Variants in MROH2B observed in about 807,000 individuals in gnomAD.
MROH2B encodes maestro heat like repeat family member 2B, also known as maestro heat-like repeat-containing protein family member 2B.
In MROH2B, 177 loss-of-function variants were observed where a neutral mutation model predicts 208.6. The observed-to-expected ratio is 0.85, with a 90% CI of 0.75 to 0.96. The LOEUF is 0.96. Among genes scored for constraint, MROH2B ranks in the 40% least tolerant of loss-of-function variants. The probability of loss-of-function intolerance (pLI) is 0.00; values close to 1 mark genes in which losing one functional copy is unlikely to be tolerated. For missense variants in MROH2B, 2,002 were observed against 1,878.7 expected, an observed-to-expected ratio of 1.07 and a Z score of -1.21; for synonymous variants, 728 against 659.0, an observed-to-expected ratio of 1.10 and a Z score of -1.60.
At position 41,018,431 on chromosome 5, in the gene MROH2B, C is replaced by A; in HGVS notation, c.2674-1G>T. ...GTGAAACAAGCCACATTTGGAGAAG[C>A]TGTTGGTCAAAGAATAAATGTTCTT... On this transcript the variant is annotated splice_acceptor_variant, in intron 26 of 41. Transcript: ENST00000399564. LOFTEE classifies it high-confidence loss of function. 2.5e-6 allele frequency: 4 copies of A among 1,611,640 alleles called. No homozygotes were observed. Among genetic ancestry groups the A allele is most frequent in the Non-Finnish European group, 3.4e-6 (4 of 1,178,992 alleles).
chr5:41,032,729 A>C lies in MROH2B; in HGVS notation c.2441+13T>G, dbSNP rs1469942370. 3.1e-6 allele frequency: 5 copies of C among 1,607,454 alleles called. No individual in the cohort carries two copies. The highest frequency in any genetic ancestry group is 4.3e-6 in the Non-Finnish European group (5 of 1,175,628). On this transcript the variant is annotated intron_variant, in intron 24 of 41. Coordinates refer to ENST00000399564, the MANE Select transcript of MROH2B (RefSeq NM_173489.5). ...AAATACTTTTTCAATGAAAACAACT[A>C]AAAATTATCTACCTGAGATACCTAA...
intron 26 of MROH2B, 63 bp from the exon 27 acceptor site, chr5:41,018,493 C>G (rs1742031001): frequency 2.6e-6 from 4 of 1,545,474 alleles, no homozygotes; most frequent in Non-Finnish European, 3.5e-6. Context: ...GTTTCATATT[C>G]TCTTTTTCTG....
chr5:41,047,117 C>T (rs1561299021), intron 17 of MROH2B, among the ~76,000 whole-genome samples: 1 of 152,108 alleles, frequency 6.6e-6, no homozygotes, highest in Non-Finnish European at 1.5e-5. Flanking sequence ...GGGCTTCGTC[C>T]CTCCTGCAAG....
At chr5:41,056,369 C>CG (rs1431366318) in intron 9 of MROH2B, among the ~76,000 whole-genome samples, 1 of 151,318 alleles carries the variant, frequency 6.6e-6, no homozygotes, top group Non-Finnish European at 1.5e-5. Context: ...AGGCAGGGGT[C>CG]GGGGAGAAGA....
chr5:41,049,563 G>C, intron 13 of MROH2B, 127 bp from the exon 14 acceptor site: 1 of 1,099,796 alleles, frequency 9.1e-7, no homozygotes, highest in Non-Finnish European at 1.3e-6. Flanking sequence ...TTTGGGCCAA[G>C]TCAAGATGAG....
At chr5:41,005,421 C>CT (rs1397163544) in intron 35 of MROH2B, 110 bp downstream of exon 35, 5 of 216,650 alleles carry the variant, frequency 2.3e-5, no homozygotes, top group Non-Finnish European at 4.6e-5. Flanking sequence ...AAACCCCCCC[C>CT]CCCCTTGAAG....
chr5:41,008,422 C>G (rs1304009111), intron 33 of MROH2B, among the ~76,000 whole-genome samples, 184 bp downstream of exon 33: 1 of 152,148 alleles, frequency 6.6e-6, no homozygotes, highest in Non-Finnish European at 1.5e-5. Flanking sequence ...TGTAGCTACA[C>G]TGGATACTGG....
intron 13 of MROH2B, among the ~76,000 whole-genome samples, chr5:41,050,040 T>C (rs1238916174): frequency 6.6e-6 from 1 of 152,192 alleles, no homozygotes; most frequent in African/African-American, 2.4e-5. Flanking sequence ...ATCACCAGAC[T>C]CAGTCCTTTT....
chr5:40,998,051 C>A lies in MROH2B; in HGVS notation c.*1G>T. The A allele has an allele frequency of 6.2e-7, 1 of 1,604,346 alleles. No individual in the cohort carries two copies. The highest frequency in any genetic ancestry group is 1.1e-5 in the South Asian group (1 of 90,408). On this transcript the variant is annotated 3_prime_UTR_variant, in exon 42 of 42. Transcript: ENST00000399564. ...AAGCCAGCAGTTTATTTCTTGATGGCTTACAGAGGAATGCTTGTCTCTTTA... is the reference window on the plus strand; with the variant it reads ...AAGCCAGCAGTTTATTTCTTGATGGATTACAGAGGAATGCTTGTCTCTTTA...
rs1251898321 is a variant in MROH2B, at chr5:41,038,902, A to G, written c.2062-14T>C. On this transcript the variant is annotated splice_polypyrimidine_tract_variant and intron_variant, in intron 20 of 41. Transcript: ENST00000399564. ...AGAAAAAAGGCTCTGAAGACCAGGA[A>G]AGGGAGACATGAAAAATGTGACTGA... 1 of 1,586,550 alleles carries G rather than the reference A, an allele frequency of 6.3e-7. No individual in the cohort carries two copies. The highest frequency in any genetic ancestry group is 1.1e-5 in the South Asian group (1 of 88,214).
At chr5:41,036,636 A>G (rs1742768722) in intron 21 of MROH2B, among the ~76,000 whole-genome samples, 1 of 152,166 alleles carries the variant, frequency 6.6e-6, no homozygotes. Flanking sequence ...AGTGTGAGTT[A>G]ATATTGAGCA....
intron 15 of MROH2B, 72 bp downstream of exon 15, chr5:41,049,029 G>T: frequency 1.4e-6 from 2 of 1,402,754 alleles, no homozygotes; most frequent in Non-Finnish European, 9.8e-7. Context: ...ATTTATATTA[G>T]CACTTATTTG....
rs1389820045 is a variant in MROH2B at position 41,009,787 on chromosome 5, C to T, written c.3293+135G>A. On this transcript the variant is annotated intron_variant, in intron 31 of 41. Coordinates refer to ENST00000399564, the MANE Select transcript of MROH2B (RefSeq NM_173489.5). Reference sequence around the variant, plus strand: ...AAAACATTACTTGTGATTCAAATACCAATTGTTAAATTGTTATTCAGATGA... The same window carrying T: ...AAAACATTACTTGTGATTCAAATACTAATTGTTAAATTGTTATTCAGATGA... The T allele has an allele frequency of 7.7e-6, 6 of 776,852 alleles. No homozygotes were observed. In the African/African-American group the frequency reaches 8.7e-5, roughly 11 times the overall value. The allele number at this position is 776,852 out of a possible 1,614,324, so 48.1% of individuals were successfully genotyped here. A position where few individuals can be genotyped will look rare whatever the true frequency, so the allele number is the denominator to read the frequency against.
Position 41,047,596 on chromosome 5 carries a change from C to T in MROH2B, c.1728+125G>A, listed in dbSNP as rs1010248320. On this transcript the variant is annotated intron_variant, in intron 17 of 41. Coordinates refer to ENST00000399564, the MANE Select transcript of MROH2B (RefSeq NM_173489.5). ...AGTGATCACTTCTAACATTCTAATT[C>T]TTTTCCAAAGAAAGGAAAAGGTTGT... is the stretch of plus-strand genomic sequence containing the variant. The T allele has an allele frequency of 1.1e-5, 10 of 873,952 alleles. No homozygotes were observed. In the East Asian group the frequency reaches 2.7e-4, roughly 23 times the overall value. 54.1% of individuals were successfully genotyped at this position (873,952 alleles called of 1,614,324 possible).
In MROH2B at chr5:41,009,921, C is replaced by A. The variant is rs528798342; in HGVS notation, c.3293+1G>T. 1 of 1,613,076 alleles carries A rather than the reference C, an allele frequency of 6.2e-7. No homozygotes were observed. The highest frequency in any genetic ancestry group is 2.2e-5 in the East Asian group (1 of 44,856). ...AAGGAATCAGTTCAATAAGGATCTACCTGTCAAAAGGCAGAGGCTTCTGTA... is the reference window on the plus strand; with the variant it reads ...AAGGAATCAGTTCAATAAGGATCTAACTGTCAAAAGGCAGAGGCTTCTGTA... On this transcript the variant is annotated splice_donor_variant, in intron 31 of 41. Coordinates refer to ENST00000399564, the MANE Select transcript of MROH2B (RefSeq NM_173489.5). LOFTEE classifies it high-confidence loss of function.
chr5:41,018,407 T>G lies in MROH2B; in HGVS notation c.2697A>C (p.Ser899=), dbSNP rs775436425. 6.2e-7 allele frequency: 1 copy of G among 1,612,468 alleles called. No individual in the cohort carries two copies. Among genetic ancestry groups the G allele is most frequent in the South Asian group, 1.1e-5 (1 of 90,730 alleles). ...CTCTTTCTCTTTCCCACTCTTTTTGTGAAACAAGCCACATTTGGAGAAGCT... is the reference window on the plus strand; with the variant it reads ...CTCTTTCTCTTTCCCACTCTTTTTGGGAAACAAGCCACATTTGGAGAAGCT... ...MFNLLQMWLV[S]QKEWERERAF... is the part of the protein sequence containing the mutation. The change falls in exon 27 of 42, where the codon TCA becomes TCC. Residue 899 remains serine (S), a synonymous_variant. Coordinates refer to ENST00000399564, the MANE Select transcript of MROH2B (RefSeq NM_173489.5).
chr5:41,025,911 C>T (rs1452172850), intron 24 of MROH2B, among the ~76,000 whole-genome samples: 5 of 152,088 alleles, frequency 3.3e-5, no homozygotes, highest in East Asian at 1.9e-4. Flanking sequence ...TAATCCATCA[C>T]ATAAACAGAA....
chr5:41,017,806 T>G, intron 28 of MROH2B, 44 bp downstream of exon 28: 2 of 1,539,098 alleles, frequency 1.3e-6, no homozygotes, highest in Non-Finnish European at 1.7e-6. Context: ...TAAAAGAAGA[T>G]GGGTTTCTTT....
intron 22 of MROH2B, 58 bp from the exon 23 acceptor site, chr5:41,033,218 T>G: frequency 6.3e-7 from 1 of 1,592,400 alleles, no homozygotes; most frequent in Non-Finnish European, 8.6e-7. Flanking sequence ...CTCAGGTCTA[T>G]TAACATGTGA....
Sources: gnomAD v4.1 joint callset for allele counts (sites outside exome capture counted in the v4.1 genomes callset) on GRCh38, gnomAD v4.1.1 for gene constraint, MANE v1.5 for transcripts, NCBI Gene and HGNC (gene_info 2026-07-23, HGNC 2026-07-21) for gene names.